The following ANK2 variants were observed in gnomAD, a reference collection of about 807,000 sequenced individuals.
ANK2 encodes the protein ankyrin 2, also known as ankyrin-2.
In ANK2, 83 loss-of-function variants were observed where a neutral mutation model predicts 360.5. That is an observed-to-expected ratio of 0.23 (90% CI 0.19 to 0.28). The LOEUF is 0.28. Among genes scored for constraint, ANK2 ranks in the 10% least tolerant of loss-of-function variants. ANK2 has a pLI of 1.00. For synonymous variants in ANK2, 1,740 were observed against 1,759.5 expected (o/e 0.99, Z 0.28); for missense variants, 4,201 against 4,795.7 (o/e 0.88, Z 3.66).
chr4:113,003,082 G>T (rs1431753339), intron 2 of ANK2, among the ~76,000 whole-genome samples: 1 of 152,150 alleles, frequency 6.6e-6, no homozygotes, highest in African/African-American at 2.4e-5. Context: ...TGGTTTTAGA[G>T]ACCTGTGTGT....
At chr4:113,218,447 T>G (rs1233538087) in intron 4 of ANK2, among the ~76,000 whole-genome samples, 1 of 116,444 alleles carries the variant, frequency 8.6e-6, no homozygotes, top group Admixed American at 8.7e-5. Context: ...AATCATTAAA[T>G]GACCAAAAAA....
chr4:113,182,085 G>A (rs1371966234), intron 2 of ANK2, among the ~76,000 whole-genome samples: 2 of 152,142 alleles, frequency 1.3e-5, no homozygotes, highest in Admixed American at 6.5e-5. Flanking sequence ...GAGAATTGGT[G>A]AGACGTGGCT....
rs2153942754 is a variant in ANK2 at position 113,333,127 on chromosome 4, G to A, written c.3298G>A (p.Glu1100Lys). 6.2e-7 allele frequency: 1 copy of A among 1,614,234 alleles called. No individual in the cohort carries two copies. Among genetic ancestry groups the A allele is most frequent in the South Asian group, 1.1e-5 (1 of 91,088 alleles). ...AAGGGAACTGGTGGTCCTGCGCAGTGAGAATGGGGACAGCTGGAAAGAGCA... is the reference window on the plus strand; with the variant it reads ...AAGGGAACTGGTGGTCCTGCGCAGTAAGAATGGGGACAGCTGGAAAGAGCA... ...KERELVVLRS[E>K]NGDSWKEHFC... Residue 1100 changes from glutamate to lysine, a missense_variant, in exon 29 of 46, where the codon GAG becomes AAG. By Grantham distance (56) the Glu-to-Lys change is moderately conservative (BLOSUM62 1). Around this residue, in one of 4 missense-constraint regions of ANK2, gnomAD observed 1,268 missense variants for 1,650.8 expected, o/e 0.77. Transcript: ENST00000357077.
chr4:113,190,532 AAG>A (rs779885404), intron 2 of ANK2, among the ~76,000 whole-genome samples: 2 of 152,094 alleles, frequency 1.3e-5, no homozygotes, highest in Non-Finnish European at 1.5e-5. Flanking sequence ...ACAAACCTAA[AAG>A]AAATAATTTT....
At chr4:113,166,020 C>T (rs2097742074) in intron 1 of ANK2, among the ~76,000 whole-genome samples, 1 of 152,148 alleles carries the variant, frequency 6.6e-6, no homozygotes, top group South Asian at 2.1e-4. Flanking sequence ...TCAGAAAATA[C>T]TGACGTGTTC....
chr4:113,003,214 C>T (rs1037278849), intron 2 of ANK2, among the ~76,000 whole-genome samples: 5 of 152,102 alleles, frequency 3.3e-5, no homozygotes, highest in South Asian at 2.1e-4. Flanking sequence ...AAGCAATGTG[C>T]GAGCTTTTAT....
the ANK2 span, among the ~76,000 whole-genome samples, chr4:112,751,409 C>A: frequency 2.6e-5 from 4 of 152,184 alleles, no homozygotes; most frequent in East Asian, 7.7e-4. Flanking sequence ...AAGGACTAGG[C>A]AAATATGTAA....
rs192520486 is a variant in ANK2 at position 113,176,706 on chromosome 4, C to T, written c.186+2189C>T. Among the ~76,000 whole-genome samples the T allele has an allele frequency of 5.4e-3, 817 of 151,788 alleles. 8 individuals are homozygous for T. The highest frequency in any genetic ancestry group is 0.018 in the African/African-American group (759 of 41,320). On this transcript the variant is annotated intron_variant, in intron 2 of 45. Coordinates refer to ENST00000357077, the MANE Select transcript of ANK2 (RefSeq NM_001148.6). ...CAGGTTTGTTACATATGCATACATGCGCCATGTTGGTGTGCTGCACCCATT... is the reference window on the plus strand; with the variant it reads ...CAGGTTTGTTACATATGCATACATGTGCCATGTTGGTGTGCTGCACCCATT...
chr4:113,008,330 A>G (rs1049271317), intron 2 of ANK2, among the ~76,000 whole-genome samples: 29 of 152,088 alleles, frequency 1.9e-4, no homozygotes, highest in Non-Finnish European at 3.8e-4. Flanking sequence ...CATGATTACC[A>G]TCTGTTTGCT....
At chr4:113,278,659 T>C in intron 17 of ANK2, 101 bp downstream of exon 17, 1 of 1,174,552 alleles carries the variant, frequency 8.5e-7, no homozygotes, top group Admixed American at 1.9e-5. Context: ...TAACTGCGAC[T>C]AGTCCTAGCG....
chr4:113,320,969 G>A (rs2085874990), intron 26 of ANK2, among the ~76,000 whole-genome samples: 3 of 152,232 alleles, frequency 2.0e-5, no homozygotes, highest in African/African-American at 7.2e-5. Flanking sequence ...GTAACATCTA[G>A]CCTCTGCCTT....
intron 9 of ANK2, among the ~76,000 whole-genome samples, chr4:113,243,957 T>C (rs548860112): frequency 6.6e-6 from 1 of 152,330 alleles, no homozygotes; most frequent in South Asian, 2.1e-4. Context: ...TAGTTGACTT[T>C]GTTCTTATTA....
In ANK2 at chr4:113,358,599, A is replaced by C; in HGVS notation, c.9981A>C (p.Glu3327Asp). ...CAGAGTATGAGAGTTCAGTTTCTGA[A>C]GATTTTCTATCCAGTGTAGATGAGG... ...PSAEYESSVS[E>D]DFLSSVDEEN... Residue 3327 changes from glutamate (E) to aspartate (D), a missense_variant, in exon 38 of 46, where the codon GAA (glutamate) becomes GAC (aspartate). Glu to Asp is a conservative substitution (Grantham distance 45). This residue lies in a region of ANK2 where 2,642 missense variants were observed against 2,714.5 expected (regional missense o/e 0.97). Transcript: ENST00000357077. 1 of 1,614,080 alleles carries C rather than the reference A, an allele frequency of 6.2e-7. No homozygotes were observed. The highest frequency in any genetic ancestry group is 1.1e-5 in the South Asian group (1 of 91,084).
At chr4:113,373,677 T>G (rs775432848) in intron 45 of ANK2, 1 of 723,956 alleles carries the variant, frequency 1.4e-6, no homozygotes, top group African/African-American at 1.7e-5. Flanking sequence ...TTGGTCTTTT[T>G]AAAAATATCT....
At position 113,106,160 on chromosome 4, in the gene ANK2, C is replaced by A. The variant is rs1001085044; in HGVS notation, c.84+56348C>A. Among the ~76,000 whole-genome samples the A allele has an allele frequency of 2.6e-5, 4 of 152,118 alleles. 1 individual carries two copies. Among genetic ancestry groups the A allele is most frequent in the African/African-American group, 7.2e-5 (3 of 41,444 alleles). ...AAAGCAGAAAAATATCCACTAAACA[C>A]AAAAATATACACAGCAAATGTTAAA... On this transcript the variant is annotated intron_variant, in intron 1 of 45. Transcript: ENST00000357077.
chr4:113,078,746 T>G (rs993118192), intron 1 of ANK2, among the ~76,000 whole-genome samples: 7 of 152,160 alleles, frequency 4.6e-5, no homozygotes, highest in Non-Finnish European at 1.0e-4. Context: ...GCTCACCACT[T>G]TATAACGTTT....
chr4:112,708,288 AT>A, the ANK2 span, among the ~76,000 whole-genome samples: 1 of 152,162 alleles, frequency 6.6e-6, no homozygotes, highest in Non-Finnish European at 1.5e-5. Context: ...TCTGGATTGA[AT>A]TGGAATTAAA....
chr4:112,820,087 G>C (rs923791936), intron 1 of ANK2, among the ~76,000 whole-genome samples: 2 of 152,228 alleles, frequency 1.3e-5, no homozygotes, highest in African/African-American at 4.8e-5. Flanking sequence ...ATTTATGGGG[G>C]TTTTAGAATT....
intron 43 of ANK2, among the ~76,000 whole-genome samples, chr4:113,371,459 A>G (rs2096736661): frequency 6.6e-6 from 1 of 152,226 alleles, no homozygotes; most frequent in African/African-American, 2.4e-5. Flanking sequence ...TTAACCTAAG[A>G]ATCCATAGGC....
Sources: allele counts gnomAD v4.1 joint callset (sites outside exome capture counted in the v4.1 genomes callset), GRCh38; gene constraint gnomAD v4.1.1; regional missense constraint gnomAD v4.1.1; transcripts MANE v1.5; gene names NCBI Gene and HGNC (gene_info 2026-07-23, HGNC 2026-07-21).